Variants in COBLL1 observed in about 807,000 individuals in gnomAD.
The protein encoded by COBLL1 is cordon-bleu protein-like 1.
COBLL1 carries 50 observed loss-of-function variants against 94.8 expected under a neutral mutation model. The observed-to-expected ratio is 0.53, with a 90% CI of 0.42 to 0.67. The LOEUF is 0.67. COBLL1 is among the 30% of genes least tolerant of loss of function. COBLL1 has a pLI of 0.00. For synonymous variants in COBLL1, 448 were observed against 473.8 expected (o/e 0.95, Z 0.71); for missense variants, 1,362 against 1,348.7 (o/e 1.01, Z -0.15).
At chr2:164,687,465 G>T in intron 13 of COBLL1, 1 of 1,433,154 alleles carries the variant, frequency 7.0e-7, no homozygotes, top group South Asian at 1.1e-5. Context: ...ACTTGGCCCT[G>T]TGCAGGGCCT....
intron 2 of COBLL1, among the ~76,000 whole-genome samples, chr2:164,757,684 T>C (rs1291131063): frequency 6.6e-6 from 1 of 152,040 alleles, no homozygotes; most frequent in Non-Finnish European, 1.5e-5. Context: ...TGGTGGTTCA[T>C]GTCTACAGTT....
At chr2:164,760,270 G>T (rs1422055780) in intron 2 of COBLL1, among the ~76,000 whole-genome samples, 2 of 152,114 alleles carry the variant, frequency 1.3e-5, no homozygotes, top group Non-Finnish European at 2.9e-5. Context: ...AGGGTACTAG[G>T]CTGACTGAAA....
rs1685471539 is a variant in COBLL1 at position 164,722,069 on chromosome 2, A to ACG, written c.996+5_996+6insCG. The ACG allele has an allele frequency of 6.4e-7, 1 of 1,562,978 alleles. No homozygotes were observed. The highest frequency in any genetic ancestry group is 1.4e-5 in the African/African-American group (1 of 72,654). ...AAAAAACAAAATAGAAAACAAAACT[A>ACG]CACACCTTATCTGTCTCATCCACGC... On this transcript the variant is annotated splice_donor_region_variant and intron_variant, in intron 7 of 13. Coordinates refer to ENST00000652658, the MANE Select transcript of COBLL1 (RefSeq NM_001365672.2).
chr2:164,710,775 G>C (rs963144404), intron 7 of COBLL1, among the ~76,000 whole-genome samples: 9 of 152,056 alleles, frequency 5.9e-5, no homozygotes, highest in African/African-American at 2.2e-4. Context: ...ATCTTGGCCA[G>C]GCTGATCTTG....
chr2:164,712,522 T>G (rs1684948259), intron 7 of COBLL1, among the ~76,000 whole-genome samples: 1 of 152,078 alleles, frequency 6.6e-6, no homozygotes, highest in South Asian at 2.1e-4. Flanking sequence ...TCTTATAAAT[T>G]GACATTAATT....
rs750675524 is a variant in COBLL1, at chr2:164,728,092, A to G, written c.538T>C (p.Cys180Arg). ...QELAPIICSK[C>R]EFDPLHTLLL... ...AGTGTATGCAACGGATCAAACTCAC[A>G]TTTGCTACATATAATAGGGGCAAGC... Residue 180 changes from cysteine (C) to arginine (R), a missense_variant, in exon 5 of 14, where the codon TGT becomes CGT. By Grantham distance (180) the Cys-to-Arg change is radical. Transcript: ENST00000652658. 6.2e-7 allele frequency: 1 copy of G among 1,613,664 alleles called. No homozygotes were observed. Among genetic ancestry groups the G allele is most frequent in the Non-Finnish European group, 8.5e-7 (1 of 1,179,630 alleles).
intron 3 of COBLL1, among the ~76,000 whole-genome samples, chr2:164,734,386 G>A (rs1686184611): frequency 1.3e-5 from 2 of 152,114 alleles, no homozygotes; most frequent in African/African-American, 2.4e-5. Flanking sequence ...GAAACTAGTC[G>A]GCTAGTGAAA....
Position 164,823,796 on chromosome 2 carries a change from C to G in COBLL1, c.41+17360G>C, listed in dbSNP as rs920305687. Among the ~76,000 whole-genome samples the G allele has an allele frequency of 6.6e-5, 10 of 152,220 alleles. No homozygotes were observed. In the East Asian group the frequency reaches 1.2e-3, roughly 18 times the overall value. ...TTACTGTTTCTAGCTGTGTAACAAT[C>G]CCTGGGGTTGGTATCCTCACTGCTG... On this transcript the variant is annotated intron_variant, in intron 2 of 13. Transcript: ENST00000652658.
At chr2:164,833,863 C>A (rs180883115) in intron 2 of COBLL1, among the ~76,000 whole-genome samples, 2 of 152,140 alleles carry the variant, frequency 1.3e-5, no homozygotes, top group Non-Finnish European at 2.9e-5. Context: ...GTATAGTGAA[C>A]TTAAATTAAA....
chr2:164,725,415 T>A (rs1685677212), intron 5 of COBLL1, among the ~76,000 whole-genome samples: 1 of 151,912 alleles, frequency 6.6e-6, no homozygotes, highest in East Asian at 1.9e-4. Flanking sequence ...CCAGAATATT[T>A]TTTATTTTTT....
chr2:164,704,512 T>G lies in COBLL1; in HGVS notation c.1157A>C (p.Gln386Pro). 6.2e-7 allele frequency: 1 copy of G among 1,612,546 alleles called. No individual in the cohort carries two copies. Among genetic ancestry groups the G allele is most frequent in the South Asian group, 1.1e-5 (1 of 91,038 alleles). Reference protein sequence around the residue: ...SDENSRVTALQPVDGVPPDSA... With the variant: ...SDENSRVTALPPVDGVPPDSA... The stretch of plus-strand genomic sequence containing the variant: ...GTCTGGAGGAACTCCATCTACTGGC[T>G]GTAAGGCTAAAGGAAAGAAGCAACA... Residue 386 changes from glutamine to proline, a missense_variant, in exon 9 of 14, where the codon CAG becomes CCG. Transcript: ENST00000652658.
intron 5 of COBLL1, chr2:164,726,974 A>T (rs1378405724): frequency 5.1e-6 from 2 of 395,356 alleles, no homozygotes; most frequent in East Asian, 7.6e-5. Flanking sequence ...ATAAAACCCA[A>T]ATATTTTCTA....
intron 9 of COBLL1, among the ~76,000 whole-genome samples, chr2:164,702,203 G>A (rs942061872): frequency 9.9e-5 from 15 of 151,998 alleles, no homozygotes; most frequent in Non-Finnish European, 1.8e-4. Flanking sequence ...TTATTATGAT[G>A]TGAAATAGAA....
chr2:164,687,168 T>G (rs1289986095), intron 13 of COBLL1: 12 of 377,968 alleles, frequency 3.2e-5, no homozygotes, highest in Middle Eastern at 7.2e-4. Context: ...CCTGTGAGAT[T>G]TCTTTCCAAG....
At chr2:164,750,671 A>C (rs1687078871) in intron 2 of COBLL1, among the ~76,000 whole-genome samples, 1 of 152,172 alleles carries the variant, frequency 6.6e-6, no homozygotes, top group Non-Finnish European at 1.5e-5. Flanking sequence ...GAAGACATAA[A>C]TCAGATCACA....
intron 13 of COBLL1, among the ~76,000 whole-genome samples, chr2:164,689,705 T>C (rs1683492205): frequency 6.6e-6 from 1 of 152,194 alleles, no homozygotes; most frequent in Admixed American, 6.5e-5. Flanking sequence ...TGGTATTTTC[T>C]TCAGCATAGA....
rs565148370 is a variant in COBLL1, at chr2:164,695,628, A to G, written c.1764T>C (p.Asp588=). Residue 588 remains aspartate (D), a synonymous_variant, in exon 12 of 14, where the codon GAT becomes GAC. Coordinates refer to ENST00000652658, the MANE Select transcript of COBLL1 (RefSeq NM_001365672.2). ...ENHLAASSVP[D]QKLNQPSAEK... ...CTGCACTGGGTTGATTCAGTTTTTGATCTGGTACTGATGAAGCTGCTAGAT... is the reference window on the plus strand; with the variant it reads ...CTGCACTGGGTTGATTCAGTTTTTGGTCTGGTACTGATGAAGCTGCTAGAT... 1.2e-6 allele frequency: 2 copies of G among 1,613,832 alleles called. No homozygotes were observed. The highest frequency in any genetic ancestry group is 1.1e-5 in the South Asian group (1 of 91,066).
Position 164,841,168 on chromosome 2 carries a change from T to A in COBLL1, c.29A>T (p.Asp10Val), listed in dbSNP as rs113702130. 39 of 1,231,296 alleles carry A rather than the reference T, an allele frequency of 3.2e-5. No individual in the cohort carries two copies. Among genetic ancestry groups the A allele is most frequent in the Non-Finnish European group, 3.8e-5 (38 of 988,044 alleles). The allele number at this position is 1,231,296 out of a possible 1,614,324, so 76.3% of individuals were successfully genotyped here. The change falls in exon 2 of 14, where the codon GAC becomes GTC. Residue 10 changes from aspartate to valine, a missense_variant. Asp to Val is a radical substitution (Grantham distance 152). Coordinates refer to ENST00000652658, the MANE Select transcript of COBLL1 (RefSeq NM_001365672.2). The surrounding 1 kb of genome is among the most constrained non-coding windows in gnomAD (Gnocchi z 5.5). Reference sequence around the variant, plus strand: ...GCTCTGGGCTTACCTGGCTGGGGCGTCCTGCGGGCGCGGGGTTCGGCCGTC... The same window carrying A: ...GCTCTGGGCTTACCTGGCTGGGGCGACCTGCGGGCGCGGGGTTCGGCCGTC... MDGRTPRPQ[D>V]APARRKPKAK...
At chr2:164,743,124 A>G (rs537310435) in intron 3 of COBLL1, 1 of 152,190 alleles carries the variant, frequency 6.6e-6, no homozygotes, top group Non-Finnish European at 1.5e-5. Context: ...TTTTCTACTT[A>G]ACTCACCCAC....
Sources: gnomAD v4.1 joint callset for allele counts (sites outside exome capture counted in the v4.1 genomes callset) on GRCh38, gnomAD v4.1.1 for gene constraint, Gnocchi (gnomAD v3.1) non-coding constraint, MANE v1.5 for transcripts, NCBI Gene and HGNC (gene_info 2026-07-23, HGNC 2026-07-21) for gene names.